The following ABCA13 variants were observed in gnomAD, a reference collection of about 807,000 sequenced individuals.
ABCA13 encodes the protein ATP binding cassette subfamily A member 13.
In ABCA13, 476 loss-of-function variants were observed where a neutral mutation model predicts 478.7. That is an observed-to-expected ratio of 0.99 (90% CI 0.92 to 1.07). The LOEUF is 1.07. Ranked by LOEUF, ABCA13 falls within the 50% of genes least tolerant of loss-of-function variation. The probability of loss-of-function intolerance (pLI) is 0.00; values close to 1 mark genes in which losing one functional copy is unlikely to be tolerated. For synonymous variants in ABCA13, 2,252 were observed against 2,158.9 expected (o/e 1.04, Z -1.20); for missense variants, 6,060 against 5,910.6 (o/e 1.03, Z -0.83).
chr7:48,462,497 G>T (rs892224486), intron 43 of ABCA13, among the ~76,000 whole-genome samples: 20 of 85,374 alleles, frequency 2.3e-4, no homozygotes, highest in Non-Finnish European at 5.4e-4. Context: ...CTTTTTTTCA[G>T]TTCAGGGTAA....
intron 27 of ABCA13, among the ~76,000 whole-genome samples, chr7:48,319,099 C>G (rs6943279): frequency 1.3e-5 from 2 of 151,836 alleles, no homozygotes; most frequent in South Asian, 2.1e-4. Flanking sequence ...GGGCAAAGCA[C>G]TTGGAAGGAT....
At chr7:48,250,179 G>T (rs1164161652) in intron 15 of ABCA13, among the ~76,000 whole-genome samples, 1 of 152,192 alleles carries the variant, frequency 6.6e-6, no homozygotes, top group Admixed American at 6.5e-5. Flanking sequence ...GGTGAGGTAT[G>T]TGGGGGCATG....
At chr7:48,563,436 C>T (rs1383322773) in intron 55 of ABCA13, among the ~76,000 whole-genome samples, 1 of 151,998 alleles carries the variant, frequency 6.6e-6, no homozygotes, top group Non-Finnish European at 1.5e-5. Flanking sequence ...CTCCCTTGCT[C>T]CTCCCATGAT....
chr7:48,408,895 C>G (rs1435424738), intron 39 of ABCA13, among the ~76,000 whole-genome samples: 3 of 152,160 alleles, frequency 2.0e-5, no homozygotes, highest in Non-Finnish European at 4.4e-5. Flanking sequence ...CTCTATGTCT[C>G]CATGTGTTCT....
At chr7:48,436,147 C>CTTTATT (rs1822802329) in intron 42 of ABCA13, among the ~76,000 whole-genome samples, 3 of 151,460 alleles carry the variant, frequency 2.0e-5, no homozygotes, top group South Asian at 4.2e-4. Context: ...GACATCTGAG[C>CTTTATT]TTTATTTTTA....
Position 48,240,125 on chromosome 7 carries a change from T to C in ABCA13, c.1062+720T>C, listed in dbSNP as rs1241174865. 3.3e-5 allele frequency among the ~76,000 whole-genome samples: 5 copies of C among 152,234 alleles called. No individual in the cohort carries two copies. The East Asian group carries it at 7.7e-4, about 23-fold the overall frequency. On this transcript the variant is annotated intron_variant, in intron 9 of 61. Transcript: ENST00000435803. ...TCTTTAACTTTGTTCTCCGCTAATA[T>C]GTGTCATGTATAAAGGCCAAAATCT...
Position 48,516,784 on chromosome 7 carries a change from CT to C in ABCA13, c.13703del (p.Phe4568SerfsTer7), listed in dbSNP as rs747173315. 3 of 1,613,728 alleles carry C rather than the reference CT, an allele frequency of 1.9e-6. No homozygotes were observed. The East Asian group carries it at 6.7e-5, about 36-fold the overall frequency. Reference protein sequence around the residue: ...MSRIFSSSDVAFISYVSLNFI... With the variant: ...MSRIFSSSDVXFISYVSLNFI... ...AGAATCTTTTCCAGTTCGGACGTGGCTTTCATTTCCTATGTCTCACTAAACT... is the reference window on the plus strand; with the variant it reads ...AGAATCTTTTCCAGTTCGGACGTGGCTTCATTTCCTATGTCTCACTAAACT... On this transcript the variant is annotated frameshift_variant, in exon 52 of 62. Transcript: ENST00000435803. LOFTEE classifies it high-confidence loss of function.
chr7:48,195,846 G>A (rs772456889), intron 2 of ABCA13, among the ~76,000 whole-genome samples: 1 of 152,126 alleles, frequency 6.6e-6, no homozygotes, highest in African/African-American at 2.4e-5. Context: ...GTATGGCAGA[G>A]TGACAGGTGC....
At chr7:48,317,432 G>A in intron 27 of ABCA13, 136 bp downstream of exon 27, 1 of 1,041,090 alleles carries the variant, frequency 9.6e-7, no homozygotes, top group Non-Finnish European at 1.3e-6. Flanking sequence ...CTTCATTTTA[G>A]CCTGAGTGTT....
chr7:48,204,477 C>T, intron 3 of ABCA13, among the ~76,000 whole-genome samples: 1 of 152,194 alleles, frequency 6.6e-6, no homozygotes, highest in Non-Finnish European at 1.5e-5. Flanking sequence ...TCCCAAAGTG[C>T]TGGGATTACA....
At chr7:48,195,016 G>C (rs1797746049) in intron 2 of ABCA13, among the ~76,000 whole-genome samples, 1 of 152,196 alleles carries the variant, frequency 6.6e-6, no homozygotes, top group Non-Finnish European at 1.5e-5. Flanking sequence ...TATACAGGGA[G>C]CCATGTGAGC....
At chr7:48,351,485 C>T (rs2128983647) in intron 30 of ABCA13, among the ~76,000 whole-genome samples, 1 of 152,292 alleles carries the variant, frequency 6.6e-6, no homozygotes, top group Middle Eastern at 3.4e-3. Flanking sequence ...AGAGAATCTT[C>T]TCTAGGCCCC....
chr7:48,501,534 C>T (rs1281104403), intron 48 of ABCA13, among the ~76,000 whole-genome samples: 2 of 152,024 alleles, frequency 1.3e-5, no homozygotes, highest in African/African-American at 4.8e-5. Context: ...AAATCTGTGG[C>T]CCCTCTGAAT....
At chr7:48,554,624 TTGTTCAC>T (rs1422988008) in intron 55 of ABCA13, among the ~76,000 whole-genome samples, 1 of 151,756 alleles carries the variant, frequency 6.6e-6, no homozygotes, top group East Asian at 1.9e-4. Flanking sequence ...CTTTTTCAGA[TTGTTCAC>T]TGTTGTCATG....
intron 8 of ABCA13, among the ~76,000 whole-genome samples, chr7:48,238,622 C>A (rs920203138): frequency 2.0e-5 from 3 of 152,144 alleles, no homozygotes; most frequent in African/African-American, 4.8e-5. Context: ...GCGCCCACCA[C>A]CACGCCTGGC....
chr7:48,242,501 G>T (rs1385457471), intron 10 of ABCA13, among the ~76,000 whole-genome samples: 1 of 152,020 alleles, frequency 6.6e-6, no homozygotes. Flanking sequence ...GCAATGGCGC[G>T]ATCTTGGCTC....
chr7:48,587,629 GT>G (rs1385899251), intron 57 of ABCA13, among the ~76,000 whole-genome samples: 1 of 152,104 alleles, frequency 6.6e-6, no homozygotes, highest in Non-Finnish European at 1.5e-5. Flanking sequence ...CTTTTTCTGT[GT>G]GTAGATGTAT....
rs760247264 is a variant in ABCA13, at chr7:48,275,434, A to G, written c.5768A>G (p.Lys1923Arg). 5.6e-6 allele frequency: 9 copies of G among 1,613,918 alleles called. No individual in the cohort carries two copies. The South Asian group carries it at 9.9e-5, about 18-fold the overall frequency. Residue 1923 changes from lysine (K) to arginine (R), a missense_variant, in exon 17 of 62, where the codon AAG (lysine) becomes AGG (arginine). This residue lies in a region of ABCA13 where 4,423 missense variants were observed against 4,309.1 expected (regional missense o/e 1.03). Coordinates refer to ENST00000435803, the MANE Select transcript of ABCA13 (RefSeq NM_152701.5). ...AAAACTGTGCAGAAATTTTGGCATA[A>G]GATATTACCGTTTGTCCCACCTTCA... is the stretch of plus-strand genomic sequence containing the variant. Reference protein sequence around the residue: ...LVKTVQKFWHKILPFVPPSIN... With the variant: ...LVKTVQKFWHRILPFVPPSIN...
At chr7:48,182,227 G>T (rs1371069416) in intron 1 of ABCA13, among the ~76,000 whole-genome samples, 1 of 152,152 alleles carries the variant, frequency 6.6e-6, no homozygotes, top group African/African-American at 2.4e-5. Context: ...GTTGTGTTTA[G>T]CTGAAAATGC....
Sources: allele counts gnomAD v4.1 joint callset (sites outside exome capture counted in the v4.1 genomes callset), GRCh38; gene constraint gnomAD v4.1.1; regional missense constraint gnomAD v4.1.1; transcripts MANE v1.5; gene names NCBI Gene and HGNC (gene_info 2026-07-23, HGNC 2026-07-21).